The following KAZN variants were observed in gnomAD, a reference collection of about 807,000 sequenced individuals.
KAZN encodes kazrin, periplakin interacting protein.
KAZN carries 40 observed loss-of-function variants against 87.4 expected under a neutral mutation model. The ratio of observed to expected loss-of-function variants is 0.46; its 90% CI spans 0.36 to 0.60. The LOEUF (loss-of-function observed/expected upper bound fraction) is 0.60, where lower values mean the gene tolerates loss of function less well. Among genes scored for constraint, KAZN ranks in the 20% least tolerant of loss-of-function variants. The pLI, the probability that KAZN is intolerant of heterozygous loss-of-function variation, is 0.00. For missense variants in KAZN, 898 were observed against 1,073.9 expected, an observed-to-expected ratio of 0.84 and a Z score of 2.29; for synonymous variants, 466 against 458.3, an observed-to-expected ratio of 1.02 and a Z score of -0.22.
intron 2 of KAZN, among the ~76,000 whole-genome samples, chr1:14,289,800 T>A (rs1010564263): frequency 2.6e-5 from 4 of 152,186 alleles, no homozygotes; most frequent in Non-Finnish European, 5.9e-5. Context: ...CTTTGGCATG[T>A]TTTTGCAGTG....
intron 2 of KAZN, among the ~76,000 whole-genome samples, chr1:14,305,711 G>C (rs1654877419): frequency 6.6e-6 from 1 of 151,586 alleles, no homozygotes. Context: ...TGATCATTTG[G>C]ATGGCAGGGT....
intron 4 of KAZN, among the ~76,000 whole-genome samples, chr1:15,049,499 C>G (rs1674069618): frequency 6.6e-6 from 1 of 152,142 alleles, no homozygotes. Flanking sequence ...CCCAGTGTCA[C>G]AGCAGTAGAC....
chr1:14,144,719 G>A (rs1354461712), intron 1 of KAZN, among the ~76,000 whole-genome samples: 1 of 152,326 alleles, frequency 6.6e-6, no homozygotes, highest in South Asian at 2.1e-4. Flanking sequence ...TCTGGTGAGG[G>A]CCTCACTCTG....
At chr1:15,101,164 T>C (rs200145729) in intron 10 of KAZN, among the ~76,000 whole-genome samples, 17 of 127,822 alleles carry the variant, frequency 1.3e-4, no homozygotes, top group East Asian at 3.3e-4. Context: ...GTCTCGGTCT[T>C]TCTCTCTCTC....
At position 14,739,740 on chromosome 1, in the gene KAZN, G is replaced by C. The variant is rs1644027781; in HGVS notation, c.226+140517G>C. On this transcript the variant is annotated intron_variant, in intron 1 of 14. Transcript: ENST00000376030. ...ACGGGTCAAGTCAGCCCAGCCAAAG[G>C]AATGACGGATTCAAAAAAAGTGGAA... is the stretch of plus-strand genomic sequence containing the variant. 2.0e-5 allele frequency among the ~76,000 whole-genome samples: 3 copies of C among 151,984 alleles called. No homozygotes were observed. The South Asian group carries it at 6.2e-4, about 32-fold the overall frequency.
At chr1:14,067,090 T>C (rs1377594303) in intron 1 of KAZN, among the ~76,000 whole-genome samples, 1 of 152,094 alleles carries the variant, frequency 6.6e-6, no homozygotes, top group East Asian at 1.9e-4. Context: ...CCCTATCTAG[T>C]ATTCTTTATT....
chr1:14,961,397 A>G (rs1663848782), intron 2 of KAZN, among the ~76,000 whole-genome samples: 1 of 152,190 alleles, frequency 6.6e-6, no homozygotes, highest in Admixed American at 6.5e-5. Context: ...ACCCGTAACT[A>G]CCATGTGGCT....
chr1:14,435,518 A>T (rs1420840262), intron 2 of KAZN, among the ~76,000 whole-genome samples: 3 of 152,108 alleles, frequency 2.0e-5, no homozygotes, highest in East Asian at 1.9e-4. Flanking sequence ...GCCCGCAGGG[A>T]TGTCCTGCTC....
At chr1:14,159,068 G>A (rs1645655416) in intron 1 of KAZN, among the ~76,000 whole-genome samples, 2 of 152,092 alleles carry the variant, frequency 1.3e-5, no homozygotes, top group Admixed American at 1.3e-4. Context: ...AGCCAACAAA[G>A]CACTGGATCT....
At chr1:14,480,393 G>T (rs1009441059) in intron 2 of KAZN, among the ~76,000 whole-genome samples, 12 of 152,072 alleles carry the variant, frequency 7.9e-5, no homozygotes, top group African/African-American at 2.7e-4. Flanking sequence ...ATTCTAGCAG[G>T]AGTGACAGGC....
At chr1:14,007,511 G>T (rs1640087760) in intron 1 of KAZN, among the ~76,000 whole-genome samples, 1 of 152,162 alleles carries the variant, frequency 6.6e-6, no homozygotes, top group African/African-American at 2.4e-5. Context: ...TTGGCAAAAG[G>T]TCAGGCAGAT....
chr1:15,070,543 G>C (rs950483616), intron 8 of KAZN, among the ~76,000 whole-genome samples: 1 of 152,230 alleles, frequency 6.6e-6, no homozygotes, highest in African/African-American at 2.4e-5. Context: ...ATGAGCCTGC[G>C]GTCCAGGAGC....
chr1:14,398,961 GA>G (rs1160474472), intron 2 of KAZN, among the ~76,000 whole-genome samples: 1 of 152,070 alleles, frequency 6.6e-6, no homozygotes, highest in East Asian at 1.9e-4. Flanking sequence ...CCGATCCCCT[GA>G]ATCTCCCCAT....
chr1:14,998,667 A>G (rs1022334368), intron 2 of KAZN, among the ~76,000 whole-genome samples: 5 of 151,864 alleles, frequency 3.3e-5, no homozygotes, highest in African/African-American at 9.7e-5. Context: ...TCCTGCCTCA[A>G]CCTCCCGAGT....
At chr1:15,012,044 G>A (rs1359248050) in intron 2 of KAZN, among the ~76,000 whole-genome samples, 3 of 152,174 alleles carry the variant, frequency 2.0e-5, no homozygotes, top group Admixed American at 6.5e-5. Context: ...AATAATGGCA[G>A]CTAACACCAT....
chr1:15,051,744 G>A (rs1014834385), intron 4 of KAZN, among the ~76,000 whole-genome samples: 3 of 152,160 alleles, frequency 2.0e-5, no homozygotes, highest in Admixed American at 2.0e-4. Context: ...AAAGAACTGT[G>A]CCAGGGCCTG....
intron 1 of KAZN, among the ~76,000 whole-genome samples, chr1:14,086,941 A>G (rs555646065): frequency 2.6e-5 from 4 of 152,286 alleles, no homozygotes; most frequent in African/African-American, 9.6e-5. Context: ...CAGCTTTATA[A>G]TATCTTGAAA....
At chr1:14,446,140 G>A (rs1666972941) in intron 2 of KAZN, among the ~76,000 whole-genome samples, 2 of 152,174 alleles carry the variant, frequency 1.3e-5, no homozygotes, top group African/African-American at 4.8e-5. Context: ...AGGCTGCAGT[G>A]AGCTATCATC....
At chr1:14,150,568 C>A (rs533616676) in intron 1 of KAZN, among the ~76,000 whole-genome samples, 54 of 152,274 alleles carry the variant, frequency 3.5e-4, no homozygotes, top group African/African-American at 1.2e-3. Flanking sequence ...TTACATCTTG[C>A]ATGTGATACA....
Sources: gnomAD v4.1 joint callset for allele counts (sites outside exome capture counted in the v4.1 genomes callset) on GRCh38, gnomAD v4.1.1 for gene constraint, MANE v1.5 for transcripts, NCBI Gene and HGNC (gene_info 2026-07-23, HGNC 2026-07-21) for gene names.